Variants in RIN3 observed in about 807,000 individuals in gnomAD.
RIN3 encodes the protein Ras and Rab interactor 3, also known as RAB5 interacting protein 3.
In RIN3, 54 loss-of-function variants were observed where a neutral mutation model predicts 76.3. The observed-to-expected ratio is 0.71, with a 90% CI of 0.57 to 0.89. The LOEUF (loss-of-function observed/expected upper bound fraction) is 0.89. Ranked by LOEUF, RIN3 falls within the 40% of genes least tolerant of loss-of-function variation. The probability of loss-of-function intolerance (pLI) is 0.00; values close to 1 mark genes in which losing one functional copy is unlikely to be tolerated. For synonymous variants in RIN3, 576 were observed against 564.0 expected (o/e 1.02, Z -0.30); for missense variants, 1,256 against 1,322.1 (o/e 0.95, Z 0.78).
At chr14:92,528,163 A>G (rs1896793746) in intron 1 of RIN3, among the ~76,000 whole-genome samples, 1 of 152,154 alleles carries the variant, frequency 6.6e-6, no homozygotes, top group South Asian at 2.1e-4. Context: ...ACTGGAGTGT[A>G]TTGAGGAGGC....
chr14:92,651,992 C>T lies in RIN3; in HGVS notation c.943C>T (p.Pro315Ser). The T allele has an allele frequency of 6.8e-7, 1 of 1,475,342 alleles. No homozygotes were observed. The highest frequency in any genetic ancestry group is 2.0e-4 in the Middle Eastern group (1 of 5,012). The allele number at this position is 1,475,342 out of a possible 1,614,324, so 91.4% of individuals were successfully genotyped here. Residue 315 changes from proline to serine, a missense_variant, in exon 6 of 10, where the codon CCC (proline) becomes TCC (serine). By Grantham distance (74) the Pro-to-Ser change is moderately conservative (BLOSUM62 -1). This residue lies in a region of RIN3 where 610 missense variants were observed against 626.4 expected (regional missense o/e 0.97). Transcript: ENST00000216487. The stretch of plus-strand genomic sequence containing the variant: ...CCCTGCCTGTCCTTTGCCCACCTCT[C>T]CCCCAGTGCCTGCCCCCCACGTCAC... The part of the protein sequence containing the change: ...PAPACPLPTS[P>S]PVPAPHVTPH...
Position 92,652,061 on chromosome 14 carries a change from A to G in RIN3, c.1012A>G (p.Met338Val). Residue 338 changes from methionine (M) to valine (V), a missense_variant, in exon 6 of 10, where the codon ATG becomes GTG. Met to Val is a conservative substitution (Grantham distance 21). Transcript: ENST00000216487. The surrounding 1 kb of genome is among the most constrained non-coding windows in gnomAD (Gnocchi z 6.4). ...GPPDHPNQPP[M>V]MTCERLPCPT... is the part of the protein sequence containing the mutation. ...CCCAGACCATCCGAACCAGCCGCCCATGATGACCTGCGAGAGACTCCCATG... is the reference window on the plus strand; with the variant it reads ...CCCAGACCATCCGAACCAGCCGCCCGTGATGACCTGCGAGAGACTCCCATG... 6.9e-7 allele frequency: 1 copy of G among 1,440,374 alleles called. No individual in the cohort carries two copies. The highest frequency in any genetic ancestry group is 9.2e-7 in the Non-Finnish European group (1 of 1,088,102). 89.2% of individuals were successfully genotyped at this position (1,440,374 alleles called of 1,614,324 possible). A position where few individuals can be genotyped will look rare whatever the true frequency, so the allele number is the denominator to read the frequency against.
intron 4 of RIN3, among the ~76,000 whole-genome samples, chr14:92,635,771 T>G (rs1366382599): frequency 6.6e-6 from 1 of 152,110 alleles, no homozygotes; most frequent in Non-Finnish European, 1.5e-5. Flanking sequence ...GAGAATCGCT[T>G]GAACCCAGGA....
rs543530965 is a variant in RIN3, at chr14:92,531,701, T to C, written c.44+17725T>C. 2.0e-5 allele frequency among the ~76,000 whole-genome samples: 3 copies of C among 152,202 alleles called. No individual in the cohort carries two copies. In the South Asian group the frequency reaches 6.2e-4, roughly 32 times the overall value. On this transcript the variant is annotated intron_variant, in intron 1 of 9. Transcript: ENST00000216487. ...GTGGGAGCAATGTGACGCTGTGTAG[T>C]TTCCTGCAATGGGCGTGTCAGGGCT...
intron 2 of RIN3, among the ~76,000 whole-genome samples, chr14:92,561,945 C>G (rs923521831): frequency 6.6e-6 from 1 of 152,188 alleles, no homozygotes; most frequent in African/African-American, 2.4e-5. Context: ...CTCGGCCTCC[C>G]ATACCACTGG....
chr14:92,646,917 A>G (rs1235441035), intron 5 of RIN3, among the ~76,000 whole-genome samples: 1 of 152,192 alleles, frequency 6.6e-6, no homozygotes, highest in East Asian at 1.9e-4. Flanking sequence ...GTGCGAATAT[A>G]TTTGTGACTT....
At chr14:92,634,507 C>G (rs1288131313) in intron 4 of RIN3, among the ~76,000 whole-genome samples, 2 of 152,130 alleles carry the variant, frequency 1.3e-5, no homozygotes, top group African/African-American at 4.8e-5. Flanking sequence ...TAGCCCTGAC[C>G]TTGGGGGCCT....
rs533100704 is a variant in RIN3, at chr14:92,565,494, C to T, written c.249+9539C>T. ...ATGGGCAGAGCAGCAGCATGGGCTG[C>T]TCGAATGAATATACTTAGAGTTATT... is the stretch of plus-strand genomic sequence containing the variant. On this transcript the variant is annotated intron_variant, in intron 2 of 9. Coordinates refer to ENST00000216487, the MANE Select transcript of RIN3 (RefSeq NM_024832.5). Among the ~76,000 whole-genome samples, 3 of 152,310 alleles carry T rather than the reference C, an allele frequency of 2.0e-5. No individual in the cohort carries two copies. In the East Asian group the frequency reaches 5.8e-4, roughly 29 times the overall value.
chr14:92,607,935 T>C (rs1299001890), intron 3 of RIN3, among the ~76,000 whole-genome samples: 1 of 152,212 alleles, frequency 6.6e-6, no homozygotes, highest in Non-Finnish European at 1.5e-5. Flanking sequence ...ATATATACTT[T>C]GTGATTCAAC....
At chr14:92,609,417 C>T (rs1429359229) in intron 3 of RIN3, among the ~76,000 whole-genome samples, 2 of 152,176 alleles carry the variant, frequency 1.3e-5, no homozygotes, top group African/African-American at 4.8e-5. Flanking sequence ...TGTTCTCACA[C>T]CTCACCTCTT....
In RIN3 at chr14:92,688,321, G is replaced by T; in HGVS notation, c.*69G>T. Reference sequence around the variant, plus strand: ...GCCCCGCCTCTGGCTGCGCACTCCCGACCGCGACGTCCACGCAGCAGAGGG... The same window carrying T: ...GCCCCGCCTCTGGCTGCGCACTCCCTACCGCGACGTCCACGCAGCAGAGGG... On this transcript the variant is annotated 3_prime_UTR_variant, in exon 10 of 10. Transcript: ENST00000216487. The T allele has an allele frequency of 7.2e-7, 1 of 1,381,246 alleles. No individual in the cohort carries two copies. The highest frequency in any genetic ancestry group is 1.4e-5 in the South Asian group (1 of 69,574). The allele number at this position is 1,381,246 out of a possible 1,614,324, so 85.6% of individuals were successfully genotyped here. A position where few individuals can be genotyped will look rare whatever the true frequency, so the allele number is the denominator to read the frequency against.
chr14:92,547,428 T>G (rs1170321489), intron 1 of RIN3, among the ~76,000 whole-genome samples: 1 of 151,346 alleles, frequency 6.6e-6, no homozygotes, highest in Non-Finnish European at 1.5e-5. Context: ...AGGGTCTTGC[T>G]CTGTCACCCA....
At chr14:92,555,088 A>C (rs753288514) in intron 1 of RIN3, among the ~76,000 whole-genome samples, 2 of 152,188 alleles carry the variant, frequency 1.3e-5, no homozygotes, top group Non-Finnish European at 2.9e-5. Context: ...AGATCTCTCT[A>C]TCTTGATTTG....
chr14:92,521,418 A>G (rs559206344), intron 1 of RIN3, among the ~76,000 whole-genome samples: 1 of 152,264 alleles, frequency 6.6e-6, no homozygotes, highest in Admixed American at 6.5e-5. Flanking sequence ...TGTGATCCCC[A>G]GTGTTGGAGG....
At chr14:92,570,042 AG>A (rs1251766845) in intron 2 of RIN3, among the ~76,000 whole-genome samples, 1 of 152,222 alleles carries the variant, frequency 6.6e-6, no homozygotes, top group Admixed American at 6.5e-5. Context: ...TGATACCTAA[AG>A]ATGGGGCAGC....
chr14:92,583,697 C>T (rs900677966), intron 3 of RIN3, among the ~76,000 whole-genome samples: 4 of 152,182 alleles, frequency 2.6e-5, no homozygotes, highest in South Asian at 2.1e-4. Context: ...AGCTCCCCAA[C>T]GTTTTTGGCA....
At chr14:92,579,924 G>C (rs1898381709) in intron 3 of RIN3, among the ~76,000 whole-genome samples, 1 of 152,250 alleles carries the variant, frequency 6.6e-6, no homozygotes, top group Admixed American at 6.5e-5. Context: ...TGTCAAAGAG[G>C]AAGAAGCCTC....
At chr14:92,605,924 G>A (rs2146498) in intron 3 of RIN3, among the ~76,000 whole-genome samples, 76,836 of 152,000 alleles carry the variant, frequency 0.51, 20,278 homozygotes, top group Admixed American at 0.61. Flanking sequence ...AATCATTTAT[G>A]TAACACCCAT....
chr14:92,653,134 G>T, intron 6 of RIN3, 59 bp downstream of exon 6: 1 of 1,516,192 alleles, frequency 6.6e-7, no homozygotes, highest in South Asian at 1.2e-5. Context: ...ACAGACTCAG[G>T]AACCCCTTAG....
Sources: allele counts gnomAD v4.1 joint callset (sites outside exome capture counted in the v4.1 genomes callset), GRCh38; gene constraint gnomAD v4.1.1; regional missense constraint gnomAD v4.1.1; non-coding constraint Gnocchi (gnomAD v3.1); transcripts MANE v1.5; gene names NCBI Gene and HGNC (gene_info 2026-07-23, HGNC 2026-07-21).